The following ITPR2 variants were observed in gnomAD, a reference collection of about 807,000 sequenced individuals.
ITPR2 encodes the protein inositol 1,4,5-trisphosphate-gated calcium channel ITPR2.
Under a neutral mutation model 317.1 loss-of-function variants are expected in ITPR2, and 207 were observed. The observed-to-expected ratio is 0.65, with a 90% confidence interval of 0.58 to 0.73. The LOEUF (loss-of-function observed/expected upper bound fraction) is 0.73. Among genes scored for constraint, ITPR2 ranks in the 30% least tolerant of loss-of-function variants. The pLI is 0.00. For synonymous variants in ITPR2, 1,156 were observed against 1,149.1 expected (o/e 1.01, Z -0.12); for missense variants, 2,613 against 3,284.0 (o/e 0.80, Z 4.99).
Position 26,474,768 on chromosome 12 carries a change from T to C in ITPR2, c.6342+528A>G, listed in dbSNP as rs1591814280. ...GAGATCCCGCCACTGCACTCCAGCC[T>C]GGGCGACAGAGCGAGACTCCGTCTC... On this transcript the variant is annotated intron_variant, in intron 45 of 56. Transcript: ENST00000381340. Among the ~76,000 whole-genome samples the C allele has an allele frequency of 3.5e-5, 4 of 112,836 alleles. No homozygotes were observed. In the South Asian group the frequency reaches 1.2e-3, roughly 34 times the overall value. The allele number at this position is 112,836 out of a possible 152,430, so 74.0% of individuals were successfully genotyped here.
intron 11 of ITPR2, among the ~76,000 whole-genome samples, 199 bp downstream of exon 11, chr12:26,686,282 C>A (rs1322450065): frequency 6.6e-6 from 1 of 151,846 alleles, no homozygotes; most frequent in East Asian, 1.9e-4. Context: ...TTTCTTTGGT[C>A]CTGCACATTT....
At chr12:26,595,045 C>T (rs563698188) in intron 32 of ITPR2, among the ~76,000 whole-genome samples, 15 of 152,212 alleles carry the variant, frequency 9.9e-5, no homozygotes, top group Admixed American at 2.6e-4. Flanking sequence ...AGTCCTCAGT[C>T]GGCTGGTCAA....
intron 26 of ITPR2, among the ~76,000 whole-genome samples, chr12:26,619,086 G>A (rs1476930001): frequency 6.6e-6 from 1 of 152,124 alleles, no homozygotes. Flanking sequence ...ACCTCAGGTG[G>A]TACTGAATTT....
chr12:26,494,340 C>T lies in ITPR2; in HGVS notation c.5183G>A (p.Gly1728Glu). 1 of 1,591,378 alleles carries T rather than the reference C, an allele frequency of 6.3e-7. No homozygotes were observed. Among genetic ancestry groups the T allele is most frequent in the Non-Finnish European group, 8.5e-7 (1 of 1,170,722 alleles). Residue 1728 changes from glycine (G) to glutamate (E), a missense_variant and splice_region_variant, in exon 39 of 57, where the codon GGA becomes GAA. Transcript: ENST00000381340. Reference protein sequence around the residue: ...GAYSKTAQVGGSFSGQDSDKM... With the variant: ...GAYSKTAQVGESFSGQDSDKM... ...ATCTGAATCTTGTCCAGAAAAGCTT[C>T]CTGTGATTGGGAAAAATAAATAAAT...
intron 52 of ITPR2, chr12:26,406,360 C>T (rs920551016): frequency 1.3e-5 from 2 of 149,878 alleles, no homozygotes; most frequent in African/African-American, 2.5e-5. Context: ...TGCAAAAAGG[C>T]CTTGCTTTTT....
chr12:26,428,238 G>T, intron 48 of ITPR2, 150 bp from the exon 49 acceptor site: 2 of 509,226 alleles, frequency 3.9e-6, no homozygotes, highest in South Asian at 4.6e-5. Context: ...TATATTTCAA[G>T]GAAATGTCTT....
chr12:26,395,855 T>TG lies in ITPR2; in HGVS notation c.7696+3020dup, dbSNP rs570380372. ...TCCTCCGCTCAAATCTTGGCTCTTCTGCTTACTAACTGGATGTTGACGGGA... is the reference window on the plus strand; with the variant it reads ...TCCTCCGCTCAAATCTTGGCTCTTCTGGCTTACTAACTGGATGTTGACGGGA... On this transcript the variant is annotated intron_variant, in intron 54 of 56. Transcript: ENST00000381340. Among the ~76,000 whole-genome samples the TG allele has an allele frequency of 1.5e-3, 221 of 152,338 alleles. 1 individual carries two copies. Among genetic ancestry groups the TG allele is most frequent in the African/African-American group, 4.9e-3 (205 of 41,568 alleles).
At chr12:26,828,853 G>A (rs566629273) in intron 1 of ITPR2, among the ~76,000 whole-genome samples, 18 of 152,294 alleles carry the variant, frequency 1.2e-4, no homozygotes, top group African/African-American at 4.3e-4. Context: ...TACATACTCT[G>A]ATGGCTGGAG....
At chr12:26,371,530 C>T (rs775382196) in intron 55 of ITPR2, among the ~76,000 whole-genome samples, 9 of 152,152 alleles carry the variant, frequency 5.9e-5, no homozygotes, top group East Asian at 1.9e-4. Context: ...TAGACTATGA[C>T]GAAGTGCTCT....
At chr12:26,382,768 C>T (rs763371116) in intron 55 of ITPR2, among the ~76,000 whole-genome samples, 7 of 152,190 alleles carry the variant, frequency 4.6e-5, no homozygotes, top group Non-Finnish European at 7.4e-5. Context: ...GATACAAAGA[C>T]ACATATGTGT....
chr12:26,731,760 T>G (rs1435128666), intron 2 of ITPR2, among the ~76,000 whole-genome samples: 1 of 152,164 alleles, frequency 6.6e-6, no homozygotes, highest in African/African-American at 2.4e-5. Flanking sequence ...ATCACACCAC[T>G]GCACTCCAGC....
intron 55 of ITPR2, among the ~76,000 whole-genome samples, chr12:26,356,984 A>G (rs1295588906): frequency 2.0e-5 from 3 of 152,242 alleles, no homozygotes; most frequent in African/African-American, 4.8e-5. Flanking sequence ...TGTTTCTAAT[A>G]CATGATGAAG....
intron 54 of ITPR2, among the ~76,000 whole-genome samples, chr12:26,390,707 T>C (rs764322594): frequency 4.3e-4 from 65 of 152,126 alleles, no homozygotes; most frequent in Non-Finnish European, 8.1e-4. Flanking sequence ...AACCACTGAA[T>C]TGTACATATT....
chr12:26,824,187 A>G (rs990895812), intron 1 of ITPR2, among the ~76,000 whole-genome samples: 1 of 152,232 alleles, frequency 6.6e-6, no homozygotes, highest in Non-Finnish European at 1.5e-5. Context: ...TTTTGTAATA[A>G]AAGTGTTGAA....
intron 26 of ITPR2, among the ~76,000 whole-genome samples, chr12:26,610,928 C>G (rs115707493): frequency 6.6e-6 from 1 of 152,158 alleles, no homozygotes; most frequent in Admixed American, 6.5e-5. Context: ...GGCACAGGTG[C>G]CCCCTCCTCC....
chr12:26,682,854 T>C (rs915675916), intron 11 of ITPR2, among the ~76,000 whole-genome samples, 181 bp from the exon 12 acceptor site: 56 of 152,330 alleles, frequency 3.7e-4, no homozygotes, highest in African/African-American at 1.3e-3. Context: ...ATGCAGCATT[T>C]TTACCTAGGT....
intron 49 of ITPR2, among the ~76,000 whole-genome samples, chr12:26,421,758 C>G (rs1441738273): frequency 6.6e-6 from 1 of 152,148 alleles, no homozygotes; most frequent in Non-Finnish European, 1.5e-5. Context: ...CTAAGAGGTT[C>G]CTCAAGTCAA....
chr12:26,449,562 G>T (rs1051379749), intron 45 of ITPR2, among the ~76,000 whole-genome samples: 1 of 152,166 alleles, frequency 6.6e-6, no homozygotes, highest in Non-Finnish European at 1.5e-5. Flanking sequence ...AAGGAAAAAT[G>T]AGGGCAGAAT....
At chr12:26,451,364 A>ATC (rs1347014482) in intron 45 of ITPR2, among the ~76,000 whole-genome samples, 35 of 54,322 alleles carry the variant, frequency 6.4e-4, no homozygotes, top group African/African-American at 3.7e-3. Context: ...TTTCTCTCAT[A>ATC]TCACACACAC....
Sources: gnomAD v4.1 joint callset for allele counts (sites outside exome capture counted in the v4.1 genomes callset) on GRCh38, gnomAD v4.1.1 for gene constraint, MANE v1.5 for transcripts, NCBI Gene and HGNC (gene_info 2026-07-23, HGNC 2026-07-21) for gene names.